The following EYA1 variants were observed in gnomAD, a reference collection of about 807,000 sequenced individuals.
The protein encoded by EYA1 is protein phosphatase EYA1.
A neutral mutation model predicts 82.0 loss-of-function variants in EYA1; 16 were observed. The observed-to-expected ratio is 0.20, with a 90% confidence interval of 0.13 to 0.30. The LOEUF is 0.30. EYA1 is among the 10% of genes least tolerant of loss of function. The pLI, the probability that EYA1 is intolerant of heterozygous loss-of-function variation, is 1.00. For synonymous variants in EYA1, 261 were observed against 264.4 expected (o/e 0.99, Z 0.12); for missense variants, 633 against 730.7 (o/e 0.87, Z 1.54).
At chr8:71,232,972 A>G (rs1360963878) in intron 12 of EYA1, among the ~76,000 whole-genome samples, 1 of 152,192 alleles carries the variant, frequency 6.6e-6, no homozygotes, top group African/African-American at 2.4e-5. Flanking sequence ...CCGATGAGGT[A>G]TATCATCATC....
intron 2 of EYA1, among the ~76,000 whole-genome samples, chr8:71,376,800 G>A (rs1586582951): frequency 6.6e-6 from 1 of 152,138 alleles, no homozygotes; most frequent in African/African-American, 2.4e-5. Flanking sequence ...CCAAAAAGCC[G>A]GAACAATCAA....
At chr8:71,418,946 C>A (rs956875381) in intron 2 of EYA1, among the ~76,000 whole-genome samples, 3 of 152,094 alleles carry the variant, frequency 2.0e-5, no homozygotes, top group African/African-American at 7.2e-5. Context: ...CCTGAGAAGG[C>A]CTTAAGGTTA....
chr8:71,352,007 A>G (rs567231222), intron 3 of EYA1, among the ~76,000 whole-genome samples: 19 of 152,346 alleles, frequency 1.2e-4, no homozygotes, highest in South Asian at 1.0e-3. Flanking sequence ...GCTGCGGAGA[A>G]GTCACTTAAA....
At chr8:71,379,090 T>C (rs1367323533) in intron 2 of EYA1, among the ~76,000 whole-genome samples, 3 of 151,980 alleles carry the variant, frequency 2.0e-5, no homozygotes, top group African/African-American at 7.3e-5. Flanking sequence ...CTTCAGTGGG[T>C]ACATGAAAGT....
intron 3 of EYA1, among the ~76,000 whole-genome samples, chr8:71,349,874 A>G (rs906297678): frequency 6.6e-6 from 1 of 152,252 alleles, no homozygotes; most frequent in Non-Finnish European, 1.5e-5. Context: ...GTGACTAATA[A>G]TAGGTTATTC....
At chr8:71,429,021 T>C (rs1586699879) in intron 2 of EYA1, among the ~76,000 whole-genome samples, 1 of 152,328 alleles carries the variant, frequency 6.6e-6, no homozygotes, top group African/African-American at 2.4e-5. Context: ...AAGTGAGTTA[T>C]TGGTATAAGA....
intron 2 of EYA1, among the ~76,000 whole-genome samples, chr8:71,529,061 T>G (rs1248534848): frequency 1.3e-5 from 2 of 152,232 alleles, no homozygotes; most frequent in African/African-American, 2.4e-5. Flanking sequence ...GTCTGTTATC[T>G]CTACTGGTAA....
intron 5 of EYA1, 150 bp from the exon 6 acceptor site, chr8:71,322,029 G>A: frequency 8.8e-7 from 1 of 1,138,922 alleles, no homozygotes; most frequent in Non-Finnish European, 1.3e-6. Flanking sequence ...AAATACTTCA[G>A]TGTCTCCACT....
chr8:71,370,394 T>C (rs1828011347), intron 2 of EYA1, among the ~76,000 whole-genome samples: 2 of 148,336 alleles, frequency 1.3e-5, no homozygotes. Context: ...TGCCAGGTAC[T>C]ATGGGCATAG....
chr8:71,421,942 C>A (rs540915827), intron 2 of EYA1, among the ~76,000 whole-genome samples: 1 of 152,148 alleles, frequency 6.6e-6, no homozygotes, highest in Admixed American at 6.5e-5. Context: ...TGAAAAGTAT[C>A]GGCGTCAGTA....
At chr8:71,238,157 C>T (rs548778730) in intron 12 of EYA1, among the ~76,000 whole-genome samples, 1 of 152,162 alleles carries the variant, frequency 6.6e-6, no homozygotes, top group Admixed American at 6.5e-5. Flanking sequence ...CCTATTTTAG[C>T]ATAGAAGCTG....
At chr8:71,500,396 T>G (rs1323068558) in intron 2 of EYA1, among the ~76,000 whole-genome samples, 1 of 152,226 alleles carries the variant, frequency 6.6e-6, no homozygotes, top group Non-Finnish European at 1.5e-5. Flanking sequence ...TTCTTGAGTC[T>G]TGATTTTTCA....
At chr8:71,405,872 T>G (rs911767051) in intron 2 of EYA1, among the ~76,000 whole-genome samples, 1 of 152,226 alleles carries the variant, frequency 6.6e-6, no homozygotes, top group South Asian at 2.1e-4. Context: ...CACATTTTAC[T>G]ATCTTCCTTT....
intron 9 of EYA1, among the ~76,000 whole-genome samples, chr8:71,286,697 T>A (rs1158851793): frequency 1.3e-5 from 2 of 151,556 alleles, no homozygotes; most frequent in African/African-American, 4.9e-5. Context: ...ATGATATTCC[T>A]CAAAAATCAC....
intron 7 of EYA1, among the ~76,000 whole-genome samples, chr8:71,300,641 A>G (rs1277374151): frequency 6.6e-6 from 1 of 152,110 alleles, no homozygotes; most frequent in Non-Finnish European, 1.5e-5. Flanking sequence ...TAAGAAAAAA[A>G]ATTATAGATT....
chr8:71,322,336 A>G, intron 4 of EYA1, 68 bp from the exon 5 acceptor site: 1 of 1,344,310 alleles, frequency 7.4e-7, no homozygotes, highest in East Asian at 2.3e-5. Context: ...TATAGAAAGC[A>G]CTGACATATT....
chr8:71,452,570 G>T (rs368505628), intron 2 of EYA1, among the ~76,000 whole-genome samples: 1 of 152,128 alleles, frequency 6.6e-6, no homozygotes, highest in South Asian at 2.1e-4. Flanking sequence ...CTGAGATGAA[G>T]CTTCCAGAGG....
intron 6 of EYA1, among the ~76,000 whole-genome samples, chr8:71,321,246 T>G (rs962380475): frequency 6.6e-6 from 1 of 152,180 alleles, no homozygotes; most frequent in Non-Finnish European, 1.5e-5. Flanking sequence ...CAGTGATATA[T>G]AGATCACTTT....
intron 11 of EYA1, among the ~76,000 whole-genome samples, chr8:71,256,623 C>G (rs1814454618): frequency 6.6e-6 from 1 of 152,056 alleles, no homozygotes; most frequent in African/African-American, 2.4e-5. Context: ...GGTTTTACAA[C>G]AATGTGAAGG....
Sources: gnomAD v4.1 joint callset for allele counts (sites outside exome capture counted in the v4.1 genomes callset) on GRCh38, gnomAD v4.1.1 for gene constraint, MANE v1.5 for transcripts, NCBI Gene and HGNC (gene_info 2026-07-23, HGNC 2026-07-21) for gene names.